Variants in ENPP1 observed in about 807,000 individuals in gnomAD.
The protein encoded by ENPP1 is ectonucleotide pyrophosphatase/phosphodiesterase family member 1.
A neutral mutation model predicts 122.8 loss-of-function variants in ENPP1; 73 were observed. The ratio of observed to expected loss-of-function variants is 0.59; its 90% CI spans 0.49 to 0.72. The LOEUF (loss-of-function observed/expected upper bound fraction) is 0.72, where lower values mean the gene tolerates loss of function less well. Among genes scored for constraint, ENPP1 ranks in the 30% least tolerant of loss-of-function variants. The pLI, the probability that ENPP1 is intolerant of heterozygous loss-of-function variation, is 0.00. For synonymous variants in ENPP1, 367 were observed against 391.6 expected, an observed-to-expected ratio of 0.94 and a Z score of 0.74; for missense variants, 978 against 1,128.1, an observed-to-expected ratio of 0.87 and a Z score of 1.91.
At chr6:131,862,273 C>T (rs1435533219) in intron 9 of ENPP1, among the ~76,000 whole-genome samples, 1 of 152,038 alleles carries the variant, frequency 6.6e-6, no homozygotes, top group Non-Finnish European at 1.5e-5. Flanking sequence ...TTCAGATCTT[C>T]GGGCAGACAT....
chr6:131,871,581 T>C (rs1308542971), intron 13 of ENPP1, among the ~76,000 whole-genome samples: 1 of 152,220 alleles, frequency 6.6e-6, no homozygotes, highest in Non-Finnish European at 1.5e-5. Flanking sequence ...AATTGAGATA[T>C]TTGAATAATT....
rs568647238 is a variant in ENPP1, at chr6:131,872,907, C to T, written c.1438-16C>T. On this transcript the variant is annotated splice_polypyrimidine_tract_variant and intron_variant, in intron 14 of 24. Coordinates refer to ENST00000647893, the MANE Select transcript of ENPP1 (RefSeq NM_006208.3). ...TTAGGGAAATAATAGTTTTTCTTTGCTGTTTGCAATTTCAGTGCCGGGAAC... is the reference window on the plus strand; with the variant it reads ...TTAGGGAAATAATAGTTTTTCTTTGTTGTTTGCAATTTCAGTGCCGGGAAC... 11 of 1,613,050 alleles carry T rather than the reference C, an allele frequency of 6.8e-6. No individual in the cohort carries two copies. The South Asian group carries it at 1.1e-4, about 16-fold the overall frequency.
intron 21 of ENPP1, among the ~76,000 whole-genome samples, chr6:131,883,380 G>T (rs1039361549): frequency 6.6e-6 from 1 of 152,232 alleles, no homozygotes; most frequent in Non-Finnish European, 1.5e-5. Flanking sequence ...TGTAAGGAAA[G>T]AAGATTGTCA....
chr6:131,890,336 C>T lies in ENPP1; in HGVS notation c.2608-5C>T. ...ACTTTTCTTTTATATTTCCTATTCT[C>T]CTAGCATGGGAAGCATGACTCCTCA... On this transcript the variant is annotated splice_polypyrimidine_tract_variant and splice_region_variant and intron_variant, in intron 24 of 24. Coordinates refer to ENST00000647893, the MANE Select transcript of ENPP1 (RefSeq NM_006208.3). 1 of 1,612,112 alleles carries T rather than the reference C, an allele frequency of 6.2e-7. No homozygotes were observed. The highest frequency in any genetic ancestry group is 1.1e-5 in the South Asian group (1 of 91,030).
intron 3 of ENPP1, among the ~76,000 whole-genome samples, chr6:131,850,891 G>A (rs1376580475): frequency 6.6e-6 from 1 of 152,166 alleles, no homozygotes; most frequent in Non-Finnish European, 1.5e-5. Flanking sequence ...AATTGCATAT[G>A]GTAAGGTGCA....
Position 131,890,673 on chromosome 6 carries a change from G to A in ENPP1, c.*162G>A. On this transcript the variant is annotated 3_prime_UTR_variant, in exon 25 of 25. Coordinates refer to ENST00000647893, the MANE Select transcript of ENPP1 (RefSeq NM_006208.3). ...CAGGGAAACTTGCGTACTCAGCACA[G>A]CAGTGGAGAGTGTTCCTGTTGAATC... 1.5e-6 allele frequency: 1 copy of A among 660,140 alleles called. No homozygotes were observed. Among genetic ancestry groups the A allele is most frequent in the South Asian group, 1.7e-5 (1 of 58,020 alleles). The allele number at this position is 660,140 out of a possible 1,614,324, so 40.9% of individuals were successfully genotyped here.
At chr6:131,864,725 T>A in intron 10 of ENPP1, 141 bp from the exon 11 acceptor site, 1 of 809,720 alleles carries the variant, frequency 1.2e-6, no homozygotes, top group Non-Finnish European at 2.1e-6. Context: ...TTTGAAGAAT[T>A]TCAAAGCTGT....
intron 1 of ENPP1, among the ~76,000 whole-genome samples, chr6:131,819,617 C>A (rs73780762): frequency 2.0e-5 from 3 of 152,178 alleles, no homozygotes; most frequent in African/African-American, 7.2e-5. Context: ...AACTGCATGT[C>A]AGTCAGCCAG....
chr6:131,839,838 A>G (rs1004125385), intron 1 of ENPP1, among the ~76,000 whole-genome samples: 5 of 152,140 alleles, frequency 3.3e-5, no homozygotes, highest in African/African-American at 1.2e-4. Flanking sequence ...ACAGTTATAT[A>G]CAGTTATATA....
chr6:131,861,849 TTAGA>T (rs1782026962), intron 9 of ENPP1, 145 bp downstream of exon 9: 1 of 637,252 alleles, frequency 1.6e-6, no homozygotes, highest in African/African-American at 1.8e-5. Context: ...CTCAAAGAGT[TTAGA>T]TAGATGGTAA....
intron 23 of ENPP1, among the ~76,000 whole-genome samples, chr6:131,886,352 A>C (rs547859762): frequency 3.3e-5 from 5 of 152,326 alleles, no homozygotes; most frequent in Non-Finnish European, 4.4e-5. Context: ...AGAAAATAAA[A>C]ATTATTTGGA....
rs377301205 is a variant in ENPP1 at position 131,853,524 on chromosome 6, G to A, written c.617+1289G>A. On this transcript the variant is annotated intron_variant, in intron 5 of 24. Transcript: ENST00000647893. The stretch of plus-strand genomic sequence containing the variant: ...CCACTAACCTGCTTTTATGATTTCT[G>A]TTGATTGAATAAAACTAGTTTTGTA... 9.7e-4 allele frequency among the ~76,000 whole-genome samples: 148 copies of A among 152,136 alleles called. 7 individuals are homozygous for A. The South Asian group carries it at 0.03, about 31-fold the overall frequency.
chr6:131,885,421 A>C (rs1272577068), intron 23 of ENPP1, among the ~76,000 whole-genome samples: 1 of 152,212 alleles, frequency 6.6e-6, no homozygotes, highest in African/African-American at 2.4e-5. Flanking sequence ...GTGTGGCTAC[A>C]GATATCCTGA....
At chr6:131,833,486 T>C (rs529860911) in intron 1 of ENPP1, among the ~76,000 whole-genome samples, 30 of 152,346 alleles carry the variant, frequency 2.0e-4, no homozygotes, top group Middle Eastern at 3.4e-3. Flanking sequence ...TTTTGTTTTT[T>C]TGGCTTTACA....
In ENPP1 at chr6:131,825,843, C is replaced by T. The variant is rs372296205; in HGVS notation, c.240+17568C>T. Reference sequence around the variant, plus strand: ...ATTGTGTTCCCTTTCTAATTATAAGCTCATATATTAATTACTAATTTTTTT... The same window carrying T: ...ATTGTGTTCCCTTTCTAATTATAAGTTCATATATTAATTACTAATTTTTTT... On this transcript the variant is annotated intron_variant, in intron 1 of 24. Transcript: ENST00000647893. The T allele has an allele frequency of 1.8e-3, 434 of 234,930 alleles. 9 individuals carry two copies. In the South Asian group the frequency reaches 0.037, roughly 20 times the overall value. The allele number at this position is 234,930 out of a possible 1,614,324, so 14.6% of individuals were successfully genotyped here.
intron 1 of ENPP1, among the ~76,000 whole-genome samples, chr6:131,812,579 A>G (rs1441326195): frequency 6.6e-6 from 1 of 152,218 alleles, no homozygotes; most frequent in Non-Finnish European, 1.5e-5. Flanking sequence ...CACCTTGTTA[A>G]TGGAAAAACC....
intron 1 of ENPP1, among the ~76,000 whole-genome samples, chr6:131,844,724 G>A (rs1258367590): frequency 6.6e-6 from 1 of 152,198 alleles, no homozygotes; most frequent in Non-Finnish European, 1.5e-5. Flanking sequence ...TGAAGCCAGA[G>A]GAGTCTAGTG....
intron 1 of ENPP1, among the ~76,000 whole-genome samples, chr6:131,814,307 A>G (rs1781390666): frequency 6.6e-6 from 1 of 152,158 alleles, no homozygotes; most frequent in Non-Finnish European, 1.5e-5. Context: ...ACTTCCAAAA[A>G]TGGAGAATGC....
chr6:131,840,507 T>A (rs1274880707), intron 1 of ENPP1, among the ~76,000 whole-genome samples: 5 of 152,246 alleles, frequency 3.3e-5, no homozygotes, highest in Non-Finnish European at 7.3e-5. Context: ...ATACTTCTAG[T>A]AGGAACTACC....
Sources: gnomAD v4.1 joint callset for allele counts (sites outside exome capture counted in the v4.1 genomes callset) on GRCh38, gnomAD v4.1.1 for gene constraint, MANE v1.5 for transcripts, NCBI Gene and HGNC (gene_info 2026-07-23, HGNC 2026-07-21) for gene names.